TCF4: variants seen among roughly 807,000 people sequenced by gnomAD.
The protein encoded by TCF4 is transcription factor 4.
A neutral mutation model predicts 82.1 loss-of-function variants in TCF4; 3 were observed. The ratio of observed to expected loss-of-function variants is 0.04; its 90% CI spans 0.02 to 0.09. The LOEUF (loss-of-function observed/expected upper bound fraction) is 0.09, where lower values mean the gene tolerates loss of function less well. Ranked by LOEUF, TCF4 falls within the 10% of genes least tolerant of loss-of-function variation. The probability of loss-of-function intolerance (pLI) is 1.00; values close to 1 mark genes in which losing one functional copy is unlikely to be tolerated. For missense variants in TCF4, 518 were observed against 852.7 expected (o/e 0.61, Z 4.89); for synonymous variants, 276 against 309.6 (o/e 0.89, Z 1.14).
chr18:55,295,979 C>G (rs1050982860), intron 8 of TCF4, among the ~76,000 whole-genome samples: 3 of 152,048 alleles, frequency 2.0e-5, no homozygotes, highest in Non-Finnish European at 2.9e-5. Flanking sequence ...TCATGCTTGT[C>G]TTGTTCAGGG....
intron 2 of TCF4, among the ~76,000 whole-genome samples, chr18:55,624,937 C>T (rs2097725013): frequency 6.6e-6 from 1 of 152,144 alleles, no homozygotes; most frequent in South Asian, 2.1e-4. Context: ...AGTACCAGTC[C>T]TCACTCAATA....
At chr18:55,613,129 AAAC>A (rs2147967053) in intron 2 of TCF4, among the ~76,000 whole-genome samples, 1 of 152,192 alleles carries the variant, frequency 6.6e-6, no homozygotes, top group Admixed American at 6.5e-5. Context: ...GACATTCAAT[AAAC>A]TGCACATATT....
intron 3 of TCF4, among the ~76,000 whole-genome samples, chr18:55,483,532 G>C (rs1006881806): frequency 6.6e-6 from 1 of 152,214 alleles, no homozygotes; most frequent in Non-Finnish European, 1.5e-5. Context: ...TAGTAAAAAT[G>C]CAGTGAAACA....
At chr18:55,585,113 A>T (rs1052341233) in intron 3 of TCF4, among the ~76,000 whole-genome samples, 167 bp downstream of exon 3, 1 of 152,226 alleles carries the variant, frequency 6.6e-6, no homozygotes, top group Non-Finnish European at 1.5e-5. Context: ...CGCACAAGAT[A>T]ACATTTTGTG....
intron 3 of TCF4, among the ~76,000 whole-genome samples, chr18:55,530,564 G>GGA (rs1555729321): frequency 1.3e-5 from 2 of 149,406 alleles, no homozygotes; most frequent in Non-Finnish European, 3.0e-5. Flanking sequence ...CCTGAAAAGG[G>GGA]GGGGGGAAAC....
At chr18:55,598,757 C>T (rs2097693779) in intron 2 of TCF4, among the ~76,000 whole-genome samples, 1 of 152,178 alleles carries the variant, frequency 6.6e-6, no homozygotes, top group Non-Finnish European at 1.5e-5. Flanking sequence ...TCAATTCAAA[C>T]TGGCTTAAAT....
chr18:55,357,912 C>T (rs1386816067), intron 6 of TCF4, among the ~76,000 whole-genome samples: 5 of 152,108 alleles, frequency 3.3e-5, no homozygotes, highest in East Asian at 3.8e-4. Context: ...ACATGATGGG[C>T]GGAAATTGAG....
At chr18:55,357,839 A>G (rs1452410876) in intron 6 of TCF4, among the ~76,000 whole-genome samples, 2 of 152,236 alleles carry the variant, frequency 1.3e-5, no homozygotes, top group Non-Finnish European at 2.9e-5. Context: ...ACTCTGTAAG[A>G]TATCACTATA....
At chr18:55,382,177 T>C (rs923499485) in intron 6 of TCF4, among the ~76,000 whole-genome samples, 9 of 152,186 alleles carry the variant, frequency 5.9e-5, no homozygotes, top group Non-Finnish European at 1.2e-4. Flanking sequence ...CCTTCCTCAG[T>C]GGGCATTAAG....
intron 3 of TCF4, among the ~76,000 whole-genome samples, chr18:55,560,954 C>A (rs1271911575): frequency 6.6e-6 from 1 of 152,246 alleles, no homozygotes; most frequent in Non-Finnish European, 1.5e-5. Flanking sequence ...ATTCCCAAAG[C>A]ATTCCATGGT....
chr18:55,473,895 A>T (rs1276167604), intron 3 of TCF4, among the ~76,000 whole-genome samples: 2 of 152,286 alleles, frequency 1.3e-5, no homozygotes, highest in Non-Finnish European at 2.9e-5. Flanking sequence ...CATAATAAGG[A>T]GGCTCAGAGC....
intron 8 of TCF4, among the ~76,000 whole-genome samples, chr18:55,341,777 A>G (rs1384713063): frequency 1.3e-5 from 2 of 152,188 alleles, no homozygotes; most frequent in Non-Finnish European, 2.9e-5. Flanking sequence ...GAGTAAGGGC[A>G]ATCAGCTTAA....
At chr18:55,335,664 G>C (rs937530097) in intron 8 of TCF4, among the ~76,000 whole-genome samples, 1 of 152,104 alleles carries the variant, frequency 6.6e-6, no homozygotes, top group African/African-American at 2.4e-5. Context: ...ACAGTTTACA[G>C]ACATTATAAT....
chr18:55,586,630 C>T (rs1240795775), intron 2 of TCF4, among the ~76,000 whole-genome samples: 1 of 152,216 alleles, frequency 6.6e-6, no homozygotes, highest in Non-Finnish European at 1.5e-5. Flanking sequence ...AAAGAGACAA[C>T]TGGGTCTCCT....
chr18:55,559,271 A>G (rs1252014388), intron 3 of TCF4, among the ~76,000 whole-genome samples: 1 of 151,980 alleles, frequency 6.6e-6, no homozygotes, highest in African/African-American at 2.4e-5. Context: ...TAAGACTGCT[A>G]TTATTCAGCT....
chr18:55,567,096 C>T (rs2097416323), intron 3 of TCF4, among the ~76,000 whole-genome samples: 1 of 151,958 alleles, frequency 6.6e-6, no homozygotes, highest in South Asian at 2.1e-4. Flanking sequence ...TGCCACTCTG[C>T]ATATTTAAAA....
intron 8 of TCF4, among the ~76,000 whole-genome samples, chr18:55,333,281 C>T (rs1479783156): frequency 1.3e-5 from 2 of 152,134 alleles, no homozygotes; most frequent in African/African-American, 4.8e-5. Flanking sequence ...ATGTGCTATA[C>T]AGAGTTGTCT....
At chr18:55,394,656 G>A (rs893104329) in intron 6 of TCF4, among the ~76,000 whole-genome samples, 11 of 152,122 alleles carry the variant, frequency 7.2e-5, no homozygotes, top group Non-Finnish European at 1.6e-4. Context: ...TATGAAAAAA[G>A]CAACATTTGC....
At chr18:55,583,759 A>G (rs1304585302) in intron 3 of TCF4, among the ~76,000 whole-genome samples, 1 of 147,564 alleles carries the variant, frequency 6.8e-6, no homozygotes, top group Non-Finnish European at 1.5e-5. Context: ...AATTACTGTC[A>G]AAAACAGTTA....
Sources: gnomAD v4.1 joint callset for allele counts (sites outside exome capture counted in the v4.1 genomes callset) on GRCh38, gnomAD v4.1.1 for gene constraint, MANE v1.5 for transcripts, NCBI Gene and HGNC (gene_info 2026-07-23, HGNC 2026-07-21) for gene names.